Variants in FNBP1 observed in about 807,000 individuals in gnomAD.
The protein encoded by FNBP1 is formin binding protein 1.
FNBP1 carries 26 observed loss-of-function variants against 90.6 expected under a neutral mutation model. The observed-to-expected ratio is 0.29, with a 90% confidence interval of 0.21 to 0.40. FNBP1 has a LOEUF of 0.40. FNBP1 is among the 10% of genes least tolerant of loss of function. The probability of loss-of-function intolerance (pLI) is 1.00; values close to 1 mark genes in which losing one functional copy is unlikely to be tolerated. For missense variants in FNBP1, 635 were observed against 768.0 expected, an observed-to-expected ratio of 0.83 and a Z score of 2.05; for synonymous variants, 260 against 265.2, an observed-to-expected ratio of 0.98 and a Z score of 0.19.
chr9:129,974,776 T>C (rs7043605), intron 4 of FNBP1, among the ~76,000 whole-genome samples: 151,515 of 151,738 alleles, frequency 1, 75,646 homozygotes, highest in Non-Finnish European at 1. Flanking sequence ...AGGAGGATCA[T>C]TTGACTTCAG....
intron 6 of FNBP1, among the ~76,000 whole-genome samples, chr9:129,940,854 T>C (rs963554150): frequency 7.2e-5 from 11 of 151,962 alleles, no homozygotes; most frequent in Admixed American, 6.6e-4. Context: ...CTCAATCTCT[T>C]GACCTCGTGA....
chr9:129,916,248 AGGCCTGTACT>A (rs1479990023), intron 10 of FNBP1: 2 of 494,122 alleles, frequency 4.0e-6, no homozygotes, highest in Non-Finnish European at 7.3e-6. Flanking sequence ...TTTCTGTTAC[AGGCCTGTACT>A]GGCCACCTCA....
intron 16 of FNBP1, chr9:129,895,619 T>A: frequency 8.1e-7 from 1 of 1,238,562 alleles, no homozygotes; most frequent in African/African-American, 1.5e-5. Context: ...CCACATAAAA[T>A]TTCATCAGCA....
intron 4 of FNBP1, among the ~76,000 whole-genome samples, chr9:129,960,189 C>G (rs985054976): frequency 6.6e-6 from 1 of 151,600 alleles, no homozygotes; most frequent in Non-Finnish European, 1.5e-5. Context: ...CTAGCCTGGC[C>G]AACATGGTGA....
At chr9:130,016,031 G>C (rs980356384) in intron 1 of FNBP1, among the ~76,000 whole-genome samples, 5 of 151,924 alleles carry the variant, frequency 3.3e-5, no homozygotes, top group Admixed American at 2.6e-4. Flanking sequence ...CTTAATCTTT[G>C]TTCATTCATC....
intron 6 of FNBP1, among the ~76,000 whole-genome samples, chr9:129,955,837 A>G (rs1413131996): frequency 2.6e-5 from 3 of 115,826 alleles, no homozygotes; most frequent in Non-Finnish European, 3.7e-5. Flanking sequence ...TTTAGCGCGC[A>G]CACACACACA....
At chr9:129,985,466 A>G (rs1017015448) in intron 2 of FNBP1, among the ~76,000 whole-genome samples, 1 of 152,218 alleles carries the variant, frequency 6.6e-6, no homozygotes, top group Non-Finnish European at 1.5e-5. Context: ...CCAGGATTAC[A>G]TCCCAGGCAT....
Position 129,957,515 on chromosome 9 carries a change from T to C in FNBP1, c.409-51A>G. ...AAACCATAAGAGTCCTACGAGAAGA[T>C]GTAATTTTATCTAAAGCTCCCAAAG... is the stretch of plus-strand genomic sequence containing the variant. On this transcript the variant is annotated intron_variant, in intron 5 of 16. Coordinates refer to ENST00000446176, the MANE Select transcript of FNBP1 (RefSeq NM_015033.3). The surrounding 1 kb of genome is among the most constrained non-coding windows in gnomAD (Gnocchi z 4.3). 1 of 1,344,964 alleles carries C rather than the reference T, an allele frequency of 7.4e-7. No individual in the cohort carries two copies. Among genetic ancestry groups the C allele is most frequent in the South Asian group, 1.2e-5 (1 of 81,668 alleles). The allele number at this position is 1,344,964 out of a possible 1,614,324, so 83.3% of individuals were successfully genotyped here.
intron 10 of FNBP1, among the ~76,000 whole-genome samples, chr9:129,920,780 TTCA>T (rs1413926784): frequency 1.3e-5 from 2 of 152,168 alleles, no homozygotes; most frequent in Non-Finnish European, 2.9e-5. Flanking sequence ...ATCATGAATA[TTCA>T]TCATGAGAGT....
chr9:129,996,917 A>C (rs935172129), intron 1 of FNBP1, among the ~76,000 whole-genome samples: 1 of 152,122 alleles, frequency 6.6e-6, no homozygotes, highest in East Asian at 2.0e-4. Context: ...CTGGTCTTGA[A>C]TTCCTGGGCT....
chr9:129,892,889 A>T (rs1482537456), intron 16 of FNBP1, among the ~76,000 whole-genome samples: 2 of 152,054 alleles, frequency 1.3e-5, no homozygotes, highest in African/African-American at 2.4e-5. Context: ...ATGTGCCCAA[A>T]CCCCTCCCAC....
At chr9:129,958,089 T>C (rs192916422) in intron 5 of FNBP1, among the ~76,000 whole-genome samples, 15 of 152,328 alleles carry the variant, frequency 9.8e-5, no homozygotes, top group African/African-American at 2.6e-4. Flanking sequence ...TGTTTTTTAC[T>C]TTCTGATTGA....
rs1222068903 is a variant in FNBP1 at position 129,888,607 on chromosome 9, TC to T, written c.*1931del. On this transcript the variant is annotated 3_prime_UTR_variant, in exon 17 of 17. Transcript: ENST00000446176. Reference sequence around the variant, plus strand: ...TGCCGCAACCCTGAGCGGTTTGCAGTCCCCCCCGGGGAAGAAGCAGTCAGAG... The same window carrying T: ...TGCCGCAACCCTGAGCGGTTTGCAGTCCCCCCGGGGAAGAAGCAGTCAGAG... The T allele has an allele frequency of 4.3e-5, 10 of 232,564 alleles. No homozygotes were observed. Among genetic ancestry groups the T allele is most frequent in the African/African-American group, 6.6e-5 (3 of 45,248 alleles). 14.4% of individuals were successfully genotyped at this position (232,564 alleles called of 1,614,324 possible). A position where few individuals can be genotyped will look rare whatever the true frequency, so the allele number is the denominator to read the frequency against.
chr9:130,043,265 A>C, upstream of FNBP1: 1 of 249,174 alleles, frequency 4.0e-6, no homozygotes, highest in Non-Finnish European at 7.6e-6. Context: ...GGCCGGTCTG[A>C]CAGCTCGCGC....
chr9:129,973,495 T>TTTTG (rs953202121), intron 4 of FNBP1, among the ~76,000 whole-genome samples: 14 of 152,136 alleles, frequency 9.2e-5, no homozygotes, highest in African/African-American at 3.4e-4. Context: ...CTTTTCTGTT[T>TTTTG]TTTGTTTGTT....
At chr9:129,942,458 A>G (rs930795076) in intron 6 of FNBP1, among the ~76,000 whole-genome samples, 2 of 152,092 alleles carry the variant, frequency 1.3e-5, no homozygotes, top group Non-Finnish European at 2.9e-5. Context: ...GCTAATAGCT[A>G]TTTGTCATCT....
the FNBP1 span, chr9:130,053,862 C>G: frequency 6.8e-7 from 1 of 1,470,752 alleles, no homozygotes; most frequent in Non-Finnish European, 9.2e-7. Context: ...TCCCCGGGCC[C>G]TTCCGGCGGC....
At chr9:129,956,596 G>C (rs17519156) in intron 6 of FNBP1, among the ~76,000 whole-genome samples, 10,990 of 152,198 alleles carry the variant, frequency 0.072, 479 homozygotes, top group Admixed American at 0.12. Context: ...AATATGCAAG[G>C]CTTCAACTAC....
chr9:130,014,328 G>A (rs991707611), intron 1 of FNBP1, among the ~76,000 whole-genome samples: 1 of 150,230 alleles, frequency 6.7e-6, no homozygotes, highest in Non-Finnish European at 1.5e-5. Flanking sequence ...CTCGGTTCAC[G>A]GCAACCTCTG....
Sources: gnomAD v4.1 joint callset for allele counts (sites outside exome capture counted in the v4.1 genomes callset) on GRCh38, gnomAD v4.1.1 for gene constraint, Gnocchi (gnomAD v3.1) non-coding constraint, MANE v1.5 for transcripts, NCBI Gene and HGNC (gene_info 2026-07-23, HGNC 2026-07-21) for gene names.